The following STXBP5L variants were observed in gnomAD, a reference collection of about 807,000 sequenced individuals.
STXBP5L encodes syntaxin binding protein 5L.
STXBP5L carries 65 observed loss-of-function variants against 144.5 expected under a neutral mutation model. The ratio of observed to expected loss-of-function variants is 0.45; its 90% CI spans 0.37 to 0.55. The LOEUF is 0.55. Among genes scored for constraint, STXBP5L ranks in the 20% least tolerant of loss-of-function variants. The pLI is 0.00. For synonymous variants in STXBP5L, 505 were observed against 469.6 expected (o/e 1.08, Z -0.97); for missense variants, 1,298 against 1,405.5 (o/e 0.92, Z 1.22).
intron 5 of STXBP5L, among the ~76,000 whole-genome samples, chr3:121,097,096 A>C (rs569743063): frequency 6.6e-6 from 1 of 152,288 alleles, no homozygotes; most frequent in East Asian, 1.9e-4. Context: ...AGCTCTGCCC[A>C]GTTCAAACTT....
intron 3 of STXBP5L, among the ~76,000 whole-genome samples, chr3:120,989,105 G>A (rs1277191759): frequency 1.3e-5 from 2 of 151,978 alleles, no homozygotes; most frequent in Non-Finnish European, 2.9e-5. Context: ...CTCTGCTATT[G>A]TGACTTGTGC....
chr3:120,986,775 T>C (rs1370449656), intron 3 of STXBP5L, among the ~76,000 whole-genome samples: 1 of 151,708 alleles, frequency 6.6e-6, no homozygotes, highest in Non-Finnish European at 1.5e-5. Context: ...AAATAGAAAT[T>C]TGAGAGCTGA....
chr3:121,046,384 G>T (rs1486564973), intron 5 of STXBP5L, among the ~76,000 whole-genome samples: 2 of 152,032 alleles, frequency 1.3e-5, no homozygotes, highest in Non-Finnish European at 2.9e-5. Context: ...AGAATCAGTT[G>T]GAGAGGAGTT....
intron 2 of STXBP5L, among the ~76,000 whole-genome samples, chr3:120,951,255 T>C (rs1414963956): frequency 6.6e-6 from 1 of 152,156 alleles, no homozygotes; most frequent in Non-Finnish European, 1.5e-5. Flanking sequence ...AAGGACTTCA[T>C]GTCTAAAACA....
chr3:121,333,065 A>C (rs568589766), intron 20 of STXBP5L, among the ~76,000 whole-genome samples: 1 of 151,514 alleles, frequency 6.6e-6, no homozygotes, highest in African/African-American at 2.4e-5. Context: ...CCAGCCCTAT[A>C]AAAAAAATGC....
At position 121,076,207 on chromosome 3, in the gene STXBP5L, C is replaced by G. The variant is rs748625977; in HGVS notation, c.470+30672C>G. On this transcript the variant is annotated intron_variant, in intron 5 of 26. Coordinates refer to ENST00000471454, the MANE Select transcript of STXBP5L (RefSeq NM_001308330.2). ...CGACCTAAGGCAGCCGACCTCATCC[C>G]CTTGGAGTTCCTCCCTTGGCTTTTC... Among the ~76,000 whole-genome samples the G allele has an allele frequency of 3.2e-4, 49 of 152,264 alleles. 1 individual carries two copies. Among genetic ancestry groups the G allele is most frequent in the Middle Eastern group, 3.4e-3 (1 of 292 alleles).
intron 14 of STXBP5L, 72 bp downstream of exon 14, chr3:121,240,579 A>G (rs2049633742): frequency 7.1e-7 from 1 of 1,402,220 alleles, no homozygotes; most frequent in Non-Finnish European, 1.0e-6. Flanking sequence ...ATACTTTTCC[A>G]TAATTGTGTT....
chr3:121,152,459 T>G lies in STXBP5L; in HGVS notation c.670-18T>G, dbSNP rs751700444. On this transcript the variant is annotated intron_variant, in intron 7 of 26. Coordinates refer to ENST00000471454, the MANE Select transcript of STXBP5L (RefSeq NM_001308330.2). ...TTAATGTTAGAATTAAGAAAATGAT[T>G]GTTCTAATGTTTTCCAGCTGCTAAT... 1.0e-5 allele frequency: 16 copies of G among 1,542,952 alleles called. No individual in the cohort carries two copies. In the South Asian group the frequency reaches 1.7e-4, roughly 16 times the overall value.
chr3:121,106,520 T>G (rs1041202382), intron 5 of STXBP5L, among the ~76,000 whole-genome samples: 1 of 152,202 alleles, frequency 6.6e-6, no homozygotes, highest in Non-Finnish European at 1.5e-5. Context: ...CCTGTGTTAG[T>G]TTGCTGAGGA....
intron 9 of STXBP5L, among the ~76,000 whole-genome samples, chr3:121,185,385 T>G (rs1016957358): frequency 6.6e-6 from 1 of 152,242 alleles, no homozygotes; most frequent in Non-Finnish European, 1.5e-5. Context: ...GCCTATGTCC[T>G]GAATGGTATT....
intron 9 of STXBP5L, among the ~76,000 whole-genome samples, chr3:121,188,180 G>C (rs2047480725): frequency 6.6e-6 from 1 of 152,118 alleles, no homozygotes; most frequent in South Asian, 2.1e-4. Flanking sequence ...TCTGCACCAA[G>C]TGGACCTAAT....
chr3:121,375,232 T>C (rs2046148557), intron 20 of STXBP5L, among the ~76,000 whole-genome samples: 2 of 152,280 alleles, frequency 1.3e-5, no homozygotes, highest in South Asian at 4.1e-4. Flanking sequence ...TTGGAACAGA[T>C]ATAAACATAC....
At chr3:121,218,304 A>G (rs2048863775) in intron 10 of STXBP5L, among the ~76,000 whole-genome samples, 1 of 143,442 alleles carries the variant, frequency 7.0e-6, no homozygotes, top group African/African-American at 2.6e-5. Flanking sequence ...AGTATAATAT[A>G]GTATATATAT....
intron 5 of STXBP5L, among the ~76,000 whole-genome samples, chr3:121,093,429 G>C (rs969442069): frequency 1.2e-4 from 18 of 152,052 alleles, no homozygotes; most frequent in African/African-American, 4.3e-4. Context: ...GTAAGCTATT[G>C]ATTATTGCCA....
At chr3:121,354,789 A>G (rs901748255) in intron 20 of STXBP5L, among the ~76,000 whole-genome samples, 3 of 152,152 alleles carry the variant, frequency 2.0e-5, no homozygotes, top group African/African-American at 7.2e-5. Context: ...CCTAGCATCT[A>G]TGATCTTTAC....
intron 2 of STXBP5L, among the ~76,000 whole-genome samples, chr3:120,911,271 A>T (rs1317105441): frequency 2.0e-5 from 3 of 152,120 alleles, no homozygotes; most frequent in African/African-American, 7.2e-5. Context: ...TGCAAGAGAT[A>T]ATGGAATACA....
intron 10 of STXBP5L, among the ~76,000 whole-genome samples, chr3:121,215,031 T>C (rs551431802): frequency 2.0e-5 from 3 of 151,374 alleles, no homozygotes; most frequent in African/African-American, 7.3e-5. Flanking sequence ...AACCCCTGCT[T>C]TTTTTTTTCT....
rs554987554 is a variant in STXBP5L at position 121,347,248 on chromosome 3, A to G, written c.2176+28708A>G. Among the ~76,000 whole-genome samples the G allele has an allele frequency of 1.4e-4, 21 of 152,282 alleles. 1 individual carries two copies. The South Asian group carries it at 2.7e-3, about 20-fold the overall frequency. On this transcript the variant is annotated intron_variant, in intron 20 of 26. Coordinates refer to ENST00000471454, the MANE Select transcript of STXBP5L (RefSeq NM_001308330.2). ...TTCTTGTTTTTGTCAGGTTTGTCAAAGATCAGATAGTTGTAGATATGTGGC... is the reference window on the plus strand; with the variant it reads ...TTCTTGTTTTTGTCAGGTTTGTCAAGGATCAGATAGTTGTAGATATGTGGC...
At chr3:121,319,468 G>T (rs1237281625) in intron 20 of STXBP5L, among the ~76,000 whole-genome samples, 1 of 151,956 alleles carries the variant, frequency 6.6e-6, no homozygotes, top group Non-Finnish European at 1.5e-5. Flanking sequence ...AGGAATCTAG[G>T]CTATGTATAA....
Sources: gnomAD v4.1 joint callset for allele counts (sites outside exome capture counted in the v4.1 genomes callset) on GRCh38, gnomAD v4.1.1 for gene constraint, MANE v1.5 for transcripts, NCBI Gene and HGNC (gene_info 2026-07-23, HGNC 2026-07-21) for gene names.